The following EYS variants were observed in gnomAD, a reference collection of about 807,000 sequenced individuals.
The protein encoded by EYS is protein eyes shut homolog.
A neutral mutation model predicts 282.1 loss-of-function variants in EYS; 250 were observed. The ratio of observed to expected loss-of-function variants is 0.89; its 90% CI spans 0.80 to 0.98. The LOEUF is 0.98. Among genes scored for constraint, EYS ranks in the 50% least tolerant of loss-of-function variants. The pLI is 0.00. For missense variants in EYS, 4,016 were observed against 3,709.0 expected (o/e 1.08, Z -2.15); for synonymous variants, 1,355 against 1,282.9 (o/e 1.06, Z -1.20).
At chr6:64,962,918 A>G (rs1228358236) in intron 14 of EYS, among the ~76,000 whole-genome samples, 1 of 152,222 alleles carries the variant, frequency 6.6e-6, no homozygotes, top group African/African-American at 2.4e-5. Context: ...GATGAGGCTT[A>G]AAAATGTGTG....
chr6:63,928,247 C>T (rs561242162), intron 35 of EYS, among the ~76,000 whole-genome samples: 8 of 152,240 alleles, frequency 5.3e-5, no homozygotes, highest in Middle Eastern at 3.4e-3. Flanking sequence ...CTCTATGACT[C>T]TTCTACAGTG....
chr6:64,223,388 C>A (rs1174427318), intron 31 of EYS, among the ~76,000 whole-genome samples: 1 of 151,876 alleles, frequency 6.6e-6, no homozygotes, highest in African/African-American at 2.4e-5. Flanking sequence ...AAATGCGTAT[C>A]CTCTAGAGAT....
chr6:64,523,201 G>A (rs1042830927), intron 26 of EYS, among the ~76,000 whole-genome samples: 1 of 151,816 alleles, frequency 6.6e-6, no homozygotes, highest in Admixed American at 6.6e-5. Context: ...TAAAACCAAT[G>A]TGCTCAGAGA....
At chr6:65,136,167 T>C (rs761800018) in intron 12 of EYS, among the ~76,000 whole-genome samples, 3 of 152,008 alleles carry the variant, frequency 2.0e-5, no homozygotes, top group Non-Finnish European at 2.9e-5. Flanking sequence ...AATTTGTACC[T>C]ATGTTAACAC....
intron 5 of EYS, among the ~76,000 whole-genome samples, chr6:65,476,412 T>C (rs1582347249): frequency 6.6e-6 from 1 of 152,332 alleles, no homozygotes; most frequent in East Asian, 1.9e-4. Context: ...TATTTATATG[T>C]ACATCTTAAT....
intron 35 of EYS, among the ~76,000 whole-genome samples, chr6:63,983,392 T>C (rs1562131632): frequency 1.3e-5 from 2 of 151,826 alleles, no homozygotes; most frequent in African/African-American, 2.4e-5. Context: ...ATTGACTTTA[T>C]CATATCTGCC....
At chr6:65,393,708 G>A (rs1463415678) in intron 7 of EYS, among the ~76,000 whole-genome samples, 2 of 151,896 alleles carry the variant, frequency 1.3e-5, no homozygotes, top group Non-Finnish European at 2.9e-5. Flanking sequence ...CTGATGTGGT[G>A]AGATTTATCA....
At chr6:65,631,439 C>A (rs1247243881) in intron 2 of EYS, among the ~76,000 whole-genome samples, 1 of 150,640 alleles carries the variant, frequency 6.6e-6, no homozygotes, top group East Asian at 1.9e-4. Flanking sequence ...ATGGCATATA[C>A]ACCAGATGGG....
rs912186943 is a variant in EYS at position 64,142,528 on chromosome 6, G to T, written c.6425-60526C>A. Among the ~76,000 whole-genome samples, 6 of 152,096 alleles carry T rather than the reference G, an allele frequency of 3.9e-5. 1 individual carries two copies. Among genetic ancestry groups the T allele is most frequent in the African/African-American group, 1.4e-4 (6 of 41,416 alleles). ...CAGTCAGTGCAGAAAGGGAAAACGA[G>T]AAGTATTTAAGAATGGATTTGGCCA... On this transcript the variant is annotated intron_variant, in intron 31 of 42. Transcript: ENST00000503581.
chr6:65,057,536 A>T, intron 13 of EYS, 78 bp downstream of exon 13: 2 of 870,814 alleles, frequency 2.3e-6, no homozygotes, highest in South Asian at 2.9e-5. Context: ...GGAAGACTGA[A>T]ATGAGTTCAG....
intron 31 of EYS, among the ~76,000 whole-genome samples, chr6:64,143,883 T>A (rs1169886337): frequency 6.6e-6 from 1 of 152,230 alleles, no homozygotes; most frequent in Non-Finnish European, 1.5e-5. Context: ...TGAAGATTTC[T>A]GTGTCATCTT....
chr6:64,624,338 C>A (rs142193518), intron 23 of EYS, among the ~76,000 whole-genome samples: 1 of 152,106 alleles, frequency 6.6e-6, no homozygotes, highest in South Asian at 2.1e-4. Flanking sequence ...TTACAAGATA[C>A]CTATTGTTAT....
chr6:64,877,448 G>A (rs959721246), intron 19 of EYS, among the ~76,000 whole-genome samples: 1 of 152,120 alleles, frequency 6.6e-6, no homozygotes, highest in Non-Finnish European at 1.5e-5. Flanking sequence ...TCCTCAATCA[G>A]TGAACATATC....
At chr6:63,885,283 G>T (rs1214137994) in intron 35 of EYS, among the ~76,000 whole-genome samples, 1 of 152,122 alleles carries the variant, frequency 6.6e-6, no homozygotes, top group Non-Finnish European at 1.5e-5. Flanking sequence ...GATGCTGGAT[G>T]TTCTCCATTC....
intron 30 of EYS, 144 bp downstream of exon 30, chr6:64,306,826 A>G (rs1281830669): frequency 3.4e-6 from 2 of 595,306 alleles, no homozygotes; most frequent in Non-Finnish European, 5.9e-6. Context: ...ACTGTAAAAG[A>G]GTGAAGTAGA....
At chr6:64,873,730 A>G (rs1224601006) in intron 19 of EYS, among the ~76,000 whole-genome samples, 1 of 152,006 alleles carries the variant, frequency 6.6e-6, no homozygotes, top group African/African-American at 2.4e-5. Flanking sequence ...GGGGAGATGG[A>G]TATGTTCATT....
At chr6:65,546,203 T>C (rs1768379754) in intron 2 of EYS, among the ~76,000 whole-genome samples, 1 of 150,268 alleles carries the variant, frequency 6.7e-6, no homozygotes, top group African/African-American at 2.4e-5. Flanking sequence ...TTTTTTTTTT[T>C]TAATATATAG....
At chr6:64,754,452 G>A (rs1445761377) in intron 22 of EYS, among the ~76,000 whole-genome samples, 2 of 152,042 alleles carry the variant, frequency 1.3e-5, no homozygotes, top group Non-Finnish European at 2.9e-5. Context: ...GTTCCAAAAA[G>A]TTGAATAGGA....
rs554400139 is a variant in EYS at position 63,854,700 on chromosome 6, A to G, written c.7228+9486T>C. On this transcript the variant is annotated intron_variant, in intron 36 of 42. Transcript: ENST00000503581. Reference sequence around the variant, plus strand: ...TGAAATTATATAATAAATTATGTATATAATATATGCTAAATCCCAAGCAGT... The same window carrying G: ...TGAAATTATATAATAAATTATGTATGTAATATATGCTAAATCCCAAGCAGT... Among the ~76,000 whole-genome samples the G allele has an allele frequency of 7.9e-4, 120 of 152,338 alleles. 1 individual carries two copies. The highest frequency in any genetic ancestry group is 2.9e-4 in the Non-Finnish European group (20 of 68,030).
Sources: allele counts gnomAD v4.1 joint callset (sites outside exome capture counted in the v4.1 genomes callset), GRCh38; gene constraint gnomAD v4.1.1; transcripts MANE v1.5; gene names NCBI Gene and HGNC (gene_info 2026-07-23, HGNC 2026-07-21).